The following CARTPT variants were observed in gnomAD, a reference collection of about 807,000 sequenced individuals.
CARTPT encodes the protein cocaine- and amphetamine-regulated transcript protein.
Under a neutral mutation model 12.2 loss-of-function variants are expected in CARTPT, and 6 were observed. That is an observed-to-expected ratio of 0.49 (90% CI 0.27 to 0.97). The LOEUF (loss-of-function observed/expected upper bound fraction) is 0.97. Among genes scored for constraint, CARTPT ranks in the 50% least tolerant of loss-of-function variants. The probability of loss-of-function intolerance (pLI) is 0.12; values close to 1 mark genes in which losing one functional copy is unlikely to be tolerated. For missense variants in CARTPT, 135 were observed against 142.0 expected (o/e 0.95, Z 0.25); for synonymous variants, 75 against 64.1 (o/e 1.17, Z -0.82).
chr5:71,720,482 G>A (rs752570057), intron 2 of CARTPT, 26 bp from the exon 3 acceptor site: 4 of 1,592,720 alleles, frequency 2.5e-6, no homozygotes, highest in Admixed American at 1.7e-5. Context: ...GTTCATACTC[G>A]ATGACCACAC....
In CARTPT at chr5:71,719,465, C is replaced by T. The variant is rs1322094674; in HGVS notation, c.159+13C>T. On this transcript the variant is annotated intron_variant, in intron 1 of 2. Transcript: ENST00000296777. ...CGAGAAGGAGCTGGTCGGTATTCCCCTCGCTCTCGACCCCCTTGAGCTGTC... is the reference window on the plus strand; with the variant it reads ...CGAGAAGGAGCTGGTCGGTATTCCCTTCGCTCTCGACCCCCTTGAGCTGTC... The T allele has an allele frequency of 6.2e-7, 1 of 1,614,074 alleles. No individual in the cohort carries two copies. Among genetic ancestry groups the T allele is most frequent in the Non-Finnish European group, 8.5e-7 (1 of 1,179,996 alleles).
chr5:71,719,320 G>C lies in CARTPT; in HGVS notation c.27G>C (p.Leu9=), dbSNP rs763758600. 1 of 1,613,304 alleles carries C rather than the reference G, an allele frequency of 6.2e-7. No homozygotes were observed. The change falls in exon 1 of 3, where the codon CTG becomes CTC. Residue 9 remains leucine, a synonymous_variant. Coordinates refer to ENST00000296777, the MANE Select transcript of CARTPT (RefSeq NM_004291.4). ...TGGAGAGCTCCCGCGTGAGGCTGCTGCCCCTCCTGGGCGCCGCCCTGCTGC... is the reference window on the plus strand; with the variant it reads ...TGGAGAGCTCCCGCGTGAGGCTGCTCCCCCTCCTGGGCGCCGCCCTGCTGC... The part of the protein sequence containing the change: MESSRVRL[L]PLLGAALLLM...
rs1347972179 is a variant in CARTPT, at chr5:71,720,938, A to G, written c.*323A>G. On this transcript the variant is annotated 3_prime_UTR_variant, in exon 3 of 3. Transcript: ENST00000296777. ...TGTGGCATGGCAGAATGAAAATTAG[A>G]TCTAGCTAATCTCGGTAGATGTCAT... 8 of 348,086 alleles carry G rather than the reference A, an allele frequency of 2.3e-5. No individual in the cohort carries two copies. The highest frequency in any genetic ancestry group is 1.5e-4 in the African/African-American group (7 of 47,596). The allele number at this position is 348,086 out of a possible 1,614,324, so 21.6% of individuals were successfully genotyped here. A position where few individuals can be genotyped will look rare whatever the true frequency, so the allele number is the denominator to read the frequency against.
intron 2 of CARTPT, 51 bp downstream of exon 2, chr5:71,720,014 C>G: frequency 6.9e-7 from 1 of 1,451,734 alleles, no homozygotes; most frequent in Non-Finnish European, 9.7e-7. Flanking sequence ...GAAAGTACAC[C>G]GCCTTGAATC....
intron 1 of CARTPT, 69 bp from the exon 2 acceptor site, chr5:71,719,810 TG>T: frequency 7.0e-7 from 1 of 1,432,768 alleles, no homozygotes; most frequent in Non-Finnish European, 9.8e-7. Context: ...TAACTAGGGC[TG>T]GAAGTGCGCA....
Position 71,720,754 on chromosome 5 carries a change from T to G in CARTPT, c.*139T>G. On this transcript the variant is annotated 3_prime_UTR_variant, in exon 3 of 3. Transcript: ENST00000296777. Reference sequence around the variant, plus strand: ...AGGGAAAGGGCTCTTTTCCTGCTGTTTCAAAAATAAAAGAACACATTAGAT... The same window carrying G: ...AGGGAAAGGGCTCTTTTCCTGCTGTGTCAAAAATAAAAGAACACATTAGAT... The G allele has an allele frequency of 1.4e-6, 1 of 724,766 alleles. No individual in the cohort carries two copies. Among genetic ancestry groups the G allele is most frequent in the South Asian group, 1.5e-5 (1 of 65,526 alleles). The allele number at this position is 724,766 out of a possible 1,614,324, so 44.9% of individuals were successfully genotyped here.
At position 71,720,548 on chromosome 5, in the gene CARTPT, G is replaced by C; in HGVS notation, c.284G>C (p.Arg95Thr). The C allele has an allele frequency of 6.2e-7, 1 of 1,613,352 alleles. No homozygotes were observed. Among genetic ancestry groups the C allele is most frequent in the Non-Finnish European group, 8.5e-7 (1 of 1,179,808 alleles). The change falls in exon 3 of 3, where the codon AGG (arginine) becomes ACG (threonine). Residue 95 changes from arginine (R) to threonine (T), a missense_variant. Transcript: ENST00000296777. ...GEQCAVRKGA[R>T]IGKLCDCPRG... ...CAGTGTGCAGTGAGGAAAGGGGCAA[G>C]GATCGGGAAGCTGTGTGACTGTCCC... is the stretch of plus-strand genomic sequence containing the variant.
intron 1 of CARTPT, 132 bp downstream of exon 1, chr5:71,719,584 C>T: frequency 9.4e-7 from 1 of 1,065,294 alleles, no homozygotes. Context: ...AACGCCCAGG[C>T]ACCCACTGCC....
intron 2 of CARTPT, 47 bp downstream of exon 2, chr5:71,720,010 A>G (rs762133526): frequency 1.3e-6 from 2 of 1,504,404 alleles, no homozygotes; most frequent in African/African-American, 2.8e-5. Context: ...AAGAGAAAGT[A>G]CACCGCCTTG....
Position 71,719,976 on chromosome 5 carries a change from G to A in CARTPT, c.243+13G>A, listed in dbSNP as rs771066051. On this transcript the variant is annotated intron_variant, in intron 2 of 2. Coordinates refer to ENST00000296777, the MANE Select transcript of CARTPT (RefSeq NM_004291.4). ...CCAAGTCCCCATGGTAAGGTTTGTG[G>A]TCACTCCCTTCCCGTGTTTTTCCAA... 6.2e-7 allele frequency: 1 copy of A among 1,608,724 alleles called. No homozygotes were observed. The highest frequency in any genetic ancestry group is 8.5e-7 in the Non-Finnish European group (1 of 1,175,216).
Position 71,719,389 on chromosome 5 carries a change from G to T in CARTPT, c.96G>T (p.Glu32Asp), listed in dbSNP as rs1238771705. ...LLGTRAQEDAELQPRALDIYS... is the reference protein window; with the variant it reads ...LLGTRAQEDADLQPRALDIYS... The stretch of plus-strand genomic sequence containing the variant: ...GTACCCGTGCCCAGGAGGACGCCGA[G>T]CTCCAGCCCCGAGCCCTGGACATCT... Residue 32 changes from glutamate (E) to aspartate (D), a missense_variant, in exon 1 of 3, where the codon GAG becomes GAT. Coordinates refer to ENST00000296777, the MANE Select transcript of CARTPT (RefSeq NM_004291.4). The T allele has an allele frequency of 6.2e-7, 1 of 1,614,142 alleles. No homozygotes were observed. The highest frequency in any genetic ancestry group is 1.3e-5 in the African/African-American group (1 of 75,052).
Position 71,720,535 on chromosome 5 carries a change from A to G in CARTPT, c.271A>G (p.Arg91Gly). 1 of 1,613,184 alleles carries G rather than the reference A, an allele frequency of 6.2e-7. No homozygotes were observed. The highest frequency in any genetic ancestry group is 1.1e-5 in the South Asian group (1 of 90,640). Residue 91 changes from arginine (R) to glycine (G), a missense_variant, in exon 3 of 3, where the codon AGG becomes GGG. Physicochemically the swap from Arg to Gly is moderately radical, Grantham distance 125 (BLOSUM62 -2). Coordinates refer to ENST00000296777, the MANE Select transcript of CARTPT (RefSeq NM_004291.4). ...MCDAGEQCAV[R>G]KGARIGKLCD... ...TGACGCCGGTGAGCAGTGTGCAGTGAGGAAAGGGGCAAGGATCGGGAAGCT... is the reference window on the plus strand; with the variant it reads ...TGACGCCGGTGAGCAGTGTGCAGTGGGGAAAGGGGCAAGGATCGGGAAGCT...
chr5:71,719,462 C>G lies in CARTPT; in HGVS notation c.159+10C>G. 6.2e-7 allele frequency: 1 copy of G among 1,614,058 alleles called. No individual in the cohort carries two copies. The highest frequency in any genetic ancestry group is 8.5e-7 in the Non-Finnish European group (1 of 1,179,996). On this transcript the variant is annotated intron_variant, in intron 1 of 2. Transcript: ENST00000296777. ...CCACGAGAAGGAGCTGGTCGGTATTCCCCTCGCTCTCGACCCCCTTGAGCT... is the reference window on the plus strand; with the variant it reads ...CCACGAGAAGGAGCTGGTCGGTATTGCCCTCGCTCTCGACCCCCTTGAGCT...
chr5:71,720,712 T>A lies in CARTPT; in HGVS notation c.*97T>A, dbSNP rs1260848979. The A allele has an allele frequency of 3.2e-6, 3 of 938,342 alleles. No individual in the cohort carries two copies. The highest frequency in any genetic ancestry group is 5.2e-5 in the East Asian group (2 of 38,158). 58.1% of individuals were successfully genotyped at this position (938,342 alleles called of 1,614,324 possible). On this transcript the variant is annotated 3_prime_UTR_variant, in exon 3 of 3. Coordinates refer to ENST00000296777, the MANE Select transcript of CARTPT (RefSeq NM_004291.4). ...AGTTTGGCTTAAGCAACAGATAAAG[T>A]TTTTATTTTCCTCTGAAGGGAAAGG...
chr5:71,720,719 T>A lies in CARTPT; in HGVS notation c.*104T>A. Reference sequence around the variant, plus strand: ...CTTAAGCAACAGATAAAGTTTTTATTTTCCTCTGAAGGGAAAGGGCTCTTT... The same window carrying A: ...CTTAAGCAACAGATAAAGTTTTTATATTCCTCTGAAGGGAAAGGGCTCTTT... On this transcript the variant is annotated 3_prime_UTR_variant, in exon 3 of 3. Transcript: ENST00000296777. 1.1e-6 allele frequency: 1 copy of A among 890,192 alleles called. No homozygotes were observed. Among genetic ancestry groups the A allele is most frequent in the Non-Finnish European group, 1.8e-6 (1 of 544,574 alleles). The allele number at this position is 890,192 out of a possible 1,614,324, so 55.1% of individuals were successfully genotyped here.
chr5:71,720,489 A>G lies in CARTPT; in HGVS notation c.244-19A>G. ...CTGGGTTTGTTCATACTCGATGACC[A>G]CACATTTTGTTGTTTCAGTGTGACG... On this transcript the variant is annotated intron_variant, in intron 2 of 2. Transcript: ENST00000296777. The G allele has an allele frequency of 6.2e-7, 1 of 1,603,094 alleles. No individual in the cohort carries two copies. Among genetic ancestry groups the G allele is most frequent in the Non-Finnish European group, 8.5e-7 (1 of 1,174,498 alleles).
rs1251443532 is a variant in CARTPT at position 71,720,428 on chromosome 5, A to T, written c.244-80A>T. 5.5e-6 allele frequency: 7 copies of T among 1,266,568 alleles called. No individual in the cohort carries two copies. In the African/African-American group the frequency reaches 1.0e-4, roughly 19 times the overall value. The allele number at this position is 1,266,568 out of a possible 1,614,324, so 78.5% of individuals were successfully genotyped here. On this transcript the variant is annotated intron_variant, in intron 2 of 2. Transcript: ENST00000296777. The stretch of plus-strand genomic sequence containing the variant: ...TCCAATTGCCCCTTTCAAGAGACAG[A>T]AATTGCGTTGACTGTGAGACTTGCC...
chr5:71,720,459 G>C (rs1353119220), intron 2 of CARTPT, 49 bp from the exon 3 acceptor site: 1 of 1,536,310 alleles, frequency 6.5e-7, no homozygotes, highest in South Asian at 1.2e-5. Context: ...TTGCCTGTTG[G>C]GAACCTGGGT....
intron 1 of CARTPT, 52 bp downstream of exon 1, chr5:71,719,504 T>C: frequency 6.2e-7 from 1 of 1,604,246 alleles, no homozygotes. Context: ...TTGTCTCTTC[T>C]CTTGCACGCC....
Sources: allele counts gnomAD v4.1 joint callset, GRCh38; gene constraint gnomAD v4.1.1; transcripts MANE v1.5; gene names NCBI Gene and HGNC (gene_info 2026-07-23, HGNC 2026-07-21).